MRPS6: variants seen among roughly 807,000 people sequenced by gnomAD.
The protein encoded by MRPS6 is small ribosomal subunit protein bS6m.
In MRPS6, 6 loss-of-function variants were observed where a neutral mutation model predicts 13.1. That is an observed-to-expected ratio of 0.46 (90% CI 0.25 to 0.91). The LOEUF is 0.91. MRPS6 is among the 40% of genes least tolerant of loss of function. The pLI is 0.18. For missense variants in MRPS6, 164 were observed against 155.6 expected, an observed-to-expected ratio of 1.05 and a Z score of -0.29; for synonymous variants, 61 against 56.5, an observed-to-expected ratio of 1.08 and a Z score of -0.36.
chr21:34,137,814 A>T (rs1980762145), intron 2 of MRPS6, among the ~76,000 whole-genome samples: 1 of 150,944 alleles, frequency 6.6e-6, no homozygotes, highest in African/African-American at 2.4e-5. Flanking sequence ...ATGGCTATGG[A>T]TTTTGTTAAA....
chr21:34,097,242 G>A, intron 1 of MRPS6: 1 of 1,614,038 alleles, frequency 6.2e-7, no homozygotes, highest in South Asian at 1.1e-5. Context: ...GGAAGAGGAG[G>A]CTGTTTGTTT....
intron 1 of MRPS6, among the ~76,000 whole-genome samples, chr21:34,085,061 A>G (rs973934343): frequency 3.3e-5 from 5 of 152,218 alleles, no homozygotes; most frequent in Non-Finnish European, 1.5e-5. Flanking sequence ...CAAATATTCA[A>G]TTCATATAGA....
At position 34,096,742 on chromosome 21, in the gene MRPS6, C is replaced by G. The variant is rs753857258; in HGVS notation, c.45+22997C>G. On this transcript the variant is annotated intron_variant, in intron 1 of 2. Transcript: ENST00000399312. The surrounding 1 kb of genome is among the most constrained non-coding windows in gnomAD (Gnocchi z 5.9). ...AAAGACATCCATTATATGTATGTGG[C>G]CACAGGATTGTTTTGGGTCACGGGA... 1.9e-6 allele frequency: 3 copies of G among 1,613,970 alleles called. No homozygotes were observed. The South Asian group carries it at 3.3e-5, about 18-fold the overall frequency.
rs553435459 is a variant in MRPS6, at chr21:34,097,433, C to T, written c.45+23688C>T. On this transcript the variant is annotated intron_variant, in intron 1 of 2. Coordinates refer to ENST00000399312, the MANE Select transcript of MRPS6 (RefSeq NM_032476.4). ...GGAAAAAAGTTATGTAACTGTGCAT[C>T]TCTCAGGCATTGTTTACGCTGTAGG... 1,245 of 1,504,386 alleles carry T rather than the reference C, an allele frequency of 8.3e-4. 13 individuals are homozygous for T. The African/African-American group carries it at 0.016, about 19-fold the overall frequency. The allele number at this position is 1,504,386 out of a possible 1,614,324, so 93.2% of individuals were successfully genotyped here. A position where few individuals can be genotyped will look rare whatever the true frequency, so the allele number is the denominator to read the frequency against.
intron 1 of MRPS6, chr21:34,123,607 T>C (rs949317397): frequency 6.6e-6 from 1 of 152,086 alleles, no homozygotes; most frequent in Non-Finnish European, 1.5e-5. Context: ...ATAGTAGTTA[T>C]CCAGTAAATC....
chr21:34,102,305 T>C (rs2032107), intron 1 of MRPS6: 99,200 of 998,448 alleles, frequency 0.099, 9,933 homozygotes, highest in African/African-American at 0.49. Flanking sequence ...TTCTCTCTCT[T>C]CAATGCTGAG....
chr21:34,092,146 C>CTG (rs1388459814), intron 1 of MRPS6, among the ~76,000 whole-genome samples: 1 of 151,446 alleles, frequency 6.6e-6, no homozygotes, highest in Admixed American at 6.6e-5. Flanking sequence ...ATATAACATA[C>CTG]TGTATATTCA....
intron 1 of MRPS6, among the ~76,000 whole-genome samples, chr21:34,087,713 A>C (rs968960506): frequency 2.0e-5 from 3 of 152,248 alleles, no homozygotes; most frequent in Non-Finnish European, 2.9e-5. Context: ...AGTTTGGTCC[A>C]TTGTGATGAA....
intron 1 of MRPS6, among the ~76,000 whole-genome samples, chr21:34,090,543 T>A (rs2898204): frequency 6.6e-6 from 1 of 152,248 alleles, no homozygotes; most frequent in South Asian, 2.1e-4. Context: ...TTATCTAATC[T>A]TTCTATATAT....
chr21:34,135,557 G>T, intron 2 of MRPS6: 1 of 475,566 alleles, frequency 2.1e-6, no homozygotes. Context: ...ATGATCTCCC[G>T]GAGGGCACCC....
chr21:34,093,577 C>G (rs541260910), intron 1 of MRPS6, among the ~76,000 whole-genome samples: 1 of 151,594 alleles, frequency 6.6e-6, no homozygotes, highest in South Asian at 2.1e-4. Context: ...AGGAAAATGC[C>G]TAGAATCATC....
At chr21:34,084,283 C>T (rs1989522465) in intron 1 of MRPS6, among the ~76,000 whole-genome samples, 6 of 152,100 alleles carry the variant, frequency 3.9e-5, no homozygotes, top group Admixed American at 3.9e-4. Context: ...CAGGAAGGTG[C>T]TTGTGCTTAG....
intron 1 of MRPS6, among the ~76,000 whole-genome samples, chr21:34,080,693 A>G (rs1290075801): frequency 6.6e-6 from 1 of 152,200 alleles, no homozygotes; most frequent in African/African-American, 2.4e-5. Flanking sequence ...ATTGGTGAAT[A>G]TGTTTTACCT....
Position 34,079,602 on chromosome 21 carries a change from A to ATTTTTTT in MRPS6, c.45+5882_45+5888dup, listed in dbSNP as rs398036389. Among the ~76,000 whole-genome samples, 172 of 43,674 alleles carry ATTTTTTT rather than the reference A, an allele frequency of 3.9e-3. 13 individuals are homozygous for ATTTTTTT. The highest frequency in any genetic ancestry group is 0.014 in the African/African-American group (169 of 11,772). 28.7% of individuals were successfully genotyped at this position (43,674 alleles called of 152,430 possible). On this transcript the variant is annotated intron_variant, in intron 1 of 2. Coordinates refer to ENST00000399312, the MANE Select transcript of MRPS6 (RefSeq NM_032476.4). Reference sequence around the variant, plus strand: ...AGGCATGCGCCACCAGACCCAGCTAATTTTTTTTTTTTTTTTTTTTTTTTT... The same window carrying ATTTTTTT: ...AGGCATGCGCCACCAGACCCAGCTAATTTTTTTTTTTTTTTTTTTTTTTTTTTTTTTT...
At chr21:34,076,117 T>C (rs1989324303) in intron 1 of MRPS6, among the ~76,000 whole-genome samples, 1 of 152,192 alleles carries the variant, frequency 6.6e-6, no homozygotes, top group South Asian at 2.1e-4. Flanking sequence ...TTGAGGAAAA[T>C]GCTGTGTTAG....
intron 1 of MRPS6, among the ~76,000 whole-genome samples, chr21:34,108,627 A>G (rs916289206): frequency 1.3e-5 from 2 of 152,216 alleles, no homozygotes; most frequent in African/African-American, 4.8e-5. Flanking sequence ...GAGAAATCTG[A>G]TAATACTGAT....
intron 2 of MRPS6, chr21:34,135,777 G>A: frequency 2.0e-6 from 1 of 498,364 alleles, no homozygotes; most frequent in South Asian, 1.8e-5. Context: ...ACTTGATGAT[G>A]CGCACAGTCA....
intron 1 of MRPS6, among the ~76,000 whole-genome samples, chr21:34,115,296 C>T (rs1009307097): frequency 1.3e-5 from 2 of 152,140 alleles, no homozygotes; most frequent in Non-Finnish European, 2.9e-5. Flanking sequence ...TGTTGGATTT[C>T]CCAGGTCTCA....
chr21:34,115,458 G>A (rs758668932), intron 1 of MRPS6, among the ~76,000 whole-genome samples: 2 of 152,090 alleles, frequency 1.3e-5, no homozygotes, highest in Non-Finnish European at 2.9e-5. Flanking sequence ...CAGTACTTCT[G>A]GATTCCAGTT....
Sources: gnomAD v4.1 joint callset for allele counts (sites outside exome capture counted in the v4.1 genomes callset) on GRCh38, gnomAD v4.1.1 for gene constraint, Gnocchi (gnomAD v3.1) non-coding constraint, MANE v1.5 for transcripts, NCBI Gene and HGNC (gene_info 2026-07-23, HGNC 2026-07-21) for gene names.